BRWD1: variants seen among roughly 807,000 people sequenced by gnomAD.
BRWD1 encodes bromodomain and WD repeat-containing protein 1.
In BRWD1, 82 loss-of-function variants were observed where a neutral mutation model predicts 251.2. That is an observed-to-expected ratio of 0.33 (90% confidence interval 0.27 to 0.39). The LOEUF (loss-of-function observed/expected upper bound fraction) is 0.39, where lower values mean the gene tolerates loss of function less well. Among genes scored for constraint, BRWD1 ranks in the 10% least tolerant of loss-of-function variants. The pLI, the probability that BRWD1 is intolerant of heterozygous loss-of-function variation, is 1.00. For synonymous variants in BRWD1, 918 were observed against 902.8 expected (o/e 1.02, Z -0.30); for missense variants, 2,233 against 2,711.6 (o/e 0.82, Z 3.92).
chr21:39,215,102 G>T, intron 32 of BRWD1, 135 bp downstream of exon 32: 1 of 768,084 alleles, frequency 1.3e-6, no homozygotes, highest in Non-Finnish European at 2.1e-6. Context: ...ATGCCTGACC[G>T]CAAGTGATCT....
At chr21:39,270,657 A>C (rs1378515213) in intron 13 of BRWD1, among the ~76,000 whole-genome samples, 2 of 152,228 alleles carry the variant, frequency 1.3e-5, no homozygotes, top group African/African-American at 2.4e-5. Flanking sequence ...AGACTGAATA[A>C]GGGCAGATTT....
rs116637607 is a variant in BRWD1 at position 39,295,972 on chromosome 21, T to G, written c.449-69A>C. On this transcript the variant is annotated intron_variant, in intron 6 of 40. Transcript: ENST00000342449. The stretch of plus-strand genomic sequence containing the variant: ...AGGAAAAATCTAAGAAAAACTCAAA[T>G]AACAATTTCTAGAGGGTCACAAAAA... 340 of 1,327,788 alleles carry G rather than the reference T, an allele frequency of 2.6e-4. No homozygotes were observed. In the African/African-American group the frequency reaches 4.4e-3, roughly 17 times the overall value. 82.3% of individuals were successfully genotyped at this position (1,327,788 alleles called of 1,614,324 possible).
intron 13 of BRWD1, among the ~76,000 whole-genome samples, chr21:39,270,985 T>C (rs2035078550): frequency 6.6e-6 from 1 of 152,196 alleles, no homozygotes; most frequent in Admixed American, 6.5e-5. Context: ...CTAGAATGTT[T>C]TTCATCCTTT....
intron 32 of BRWD1, among the ~76,000 whole-genome samples, chr21:39,214,490 G>GA (rs1568874275): frequency 6.6e-6 from 1 of 151,900 alleles, no homozygotes; most frequent in Non-Finnish European, 1.5e-5. Flanking sequence ...ATAAAGACAA[G>GA]AAAAAACTGA....
intron 38 of BRWD1, among the ~76,000 whole-genome samples, chr21:39,200,921 TA>T (rs2032076751): frequency 6.6e-6 from 1 of 151,900 alleles, no homozygotes; most frequent in African/African-American, 2.4e-5. Context: ...GAGGGGAAGG[TA>T]GCAGTGAGCC....
chr21:39,274,616 T>C (rs1486351523), intron 12 of BRWD1, 144 bp from the exon 13 acceptor site: 3 of 710,946 alleles, frequency 4.2e-6, no homozygotes, highest in Non-Finnish European at 4.7e-6. Flanking sequence ...AGACAAGGTA[T>C]TTAGAGCGTA....
chr21:39,271,503 C>A (rs369320647), intron 13 of BRWD1, among the ~76,000 whole-genome samples: 33 of 151,386 alleles, frequency 2.2e-4, no homozygotes, highest in African/African-American at 7.0e-4. Context: ...TCCTGGCTAA[C>A]ACGGTGAAAC....
At chr21:39,203,906 C>T (rs1202150763) in intron 37 of BRWD1, among the ~76,000 whole-genome samples, 1 of 133,772 alleles carries the variant, frequency 7.5e-6, no homozygotes, top group African/African-American at 2.9e-5. Context: ...AATCCCAGCA[C>T]TTTGGAAGCC....
At chr21:39,229,472 A>C in intron 25 of BRWD1, 36 bp from the exon 26 acceptor site, 1 of 1,556,512 alleles carries the variant, frequency 6.4e-7, no homozygotes, top group African/African-American at 1.4e-5. Flanking sequence ...TTAAAATAAA[A>C]GCAATTCCTT....
chr21:39,210,706 T>G, intron 35 of BRWD1, 80 bp downstream of exon 35: 1 of 1,459,932 alleles, frequency 6.8e-7, no homozygotes, highest in Non-Finnish European at 9.1e-7. Context: ...TATCTTTCTC[T>G]TTAAAGTTTA....
Position 39,270,265 on chromosome 21 carries a change from G to C in BRWD1, c.1395+18C>G, listed in dbSNP as rs117542360. The C allele has an allele frequency of 4.8e-3, 7,460 of 1,540,542 alleles. 37 individuals are homozygous for C. Among genetic ancestry groups the C allele is most frequent in the Non-Finnish European group, 5.5e-3 (6,297 of 1,145,352 alleles). On this transcript the variant is annotated intron_variant, in intron 14 of 40. Coordinates refer to ENST00000342449, the MANE Select transcript of BRWD1 (RefSeq NM_033656.4). Reference sequence around the variant, plus strand: ...TTCAAAAAATCTCATTTGTTACACTGTACCAGAAATTACCTACCATTAAGT... The same window carrying C: ...TTCAAAAAATCTCATTTGTTACACTCTACCAGAAATTACCTACCATTAAGT...
exon 1 of BRWD1, chr21:39,321,031 A>C (rs1036189041): frequency 3.9e-5 from 6 of 152,106 alleles, no homozygotes; most frequent in Non-Finnish European, 7.3e-5. Context: ...CTTACCTTCA[A>C]AATGTATCCA....
At chr21:39,311,110 C>T (rs1414830132) in intron 4 of BRWD1, among the ~76,000 whole-genome samples, 1 of 151,686 alleles carries the variant, frequency 6.6e-6, no homozygotes, top group Non-Finnish European at 1.5e-5. Context: ...TGATTTTAAA[C>T]AATAGTAAGT....
chr21:39,193,507 T>C lies in BRWD1; in HGVS notation c.*2752A>G. ...TCCTTTATATGCTTGGTAAAGTGAG[T>C]CTTTCCAAGAAAGCAAAAATCAAAT... On this transcript the variant is annotated 3_prime_UTR_variant, in exon 41 of 41. Transcript: ENST00000342449. 2.0e-6 allele frequency: 2 copies of C among 985,310 alleles called. No homozygotes were observed. Among genetic ancestry groups the C allele is most frequent in the East Asian group, 1.1e-4 (1 of 8,814 alleles). The allele number at this position is 985,310 out of a possible 1,614,324, so 61.0% of individuals were successfully genotyped here.
At chr21:39,223,365 C>A (rs140849696) in intron 29 of BRWD1, among the ~76,000 whole-genome samples, 1 of 151,884 alleles carries the variant, frequency 6.6e-6, no homozygotes, top group South Asian at 2.1e-4. Context: ...TGCAGATATT[C>A]AGAGATTTTC....
At chr21:39,281,427 G>A (rs991410087) in intron 8 of BRWD1, among the ~76,000 whole-genome samples, 1 of 152,148 alleles carries the variant, frequency 6.6e-6, no homozygotes, top group Non-Finnish European at 1.5e-5. Context: ...GAGTGCTGTG[G>A]CTCATGCCTG....
chr21:39,220,194 T>C (rs2033119839), intron 29 of BRWD1, among the ~76,000 whole-genome samples: 1 of 152,144 alleles, frequency 6.6e-6, no homozygotes, highest in Non-Finnish European at 1.5e-5. Flanking sequence ...GCTGGTCTCC[T>C]CAGGTATTCT....
At chr21:39,214,796 T>C (rs1402686694) in intron 32 of BRWD1, among the ~76,000 whole-genome samples, 3 of 150,784 alleles carry the variant, frequency 2.0e-5, no homozygotes, top group Non-Finnish European at 4.5e-5. Flanking sequence ...ACTTAAATTA[T>C]GTATGTAAAG....
At chr21:39,298,680 G>T in intron 4 of BRWD1, 98 bp from the exon 5 acceptor site, 1 of 959,456 alleles carries the variant, frequency 1.0e-6, no homozygotes, top group Non-Finnish European at 1.5e-6. Flanking sequence ...AACATACACT[G>T]AAAACTGTAA....
Sources: gnomAD v4.1 joint callset for allele counts (sites outside exome capture counted in the v4.1 genomes callset) on GRCh38, gnomAD v4.1.1 for gene constraint, MANE v1.5 for transcripts, NCBI Gene and HGNC (gene_info 2026-07-23, HGNC 2026-07-21) for gene names.